The following RHBDL2 variants were observed in gnomAD, a reference collection of about 807,000 sequenced individuals.
The protein encoded by RHBDL2 is rhomboid-related protein 2.
RHBDL2 carries 26 observed loss-of-function variants against 31.7 expected under a neutral mutation model. The observed-to-expected ratio is 0.82, with a 90% confidence interval of 0.60 to 1.14. The LOEUF (loss-of-function observed/expected upper bound fraction) is 1.14. RHBDL2 is among the 50% of genes most tolerant of loss of function. RHBDL2 has a pLI of 0.00. For missense variants in RHBDL2, 336 were observed against 364.4 expected (o/e 0.92, Z 0.63); for synonymous variants, 123 against 127.2 (o/e 0.97, Z 0.22).
At chr1:38,938,113 G>T (rs1453358280) in intron 1 of RHBDL2, among the ~76,000 whole-genome samples, 1 of 152,008 alleles carries the variant, frequency 6.6e-6, no homozygotes, top group Non-Finnish European at 1.5e-5. Context: ...TGCCTCCTGG[G>T]TTCAAGCGAT....
chr1:38,894,994 C>A (rs1642899542), intron 5 of RHBDL2, among the ~76,000 whole-genome samples: 1 of 152,126 alleles, frequency 6.6e-6, no homozygotes, highest in Non-Finnish European at 1.5e-5. Flanking sequence ...CGTGAGCCAC[C>A]GCACCCGGCC....
chr1:38,909,520 GA>G (rs1643113290), intron 4 of RHBDL2, among the ~76,000 whole-genome samples: 1 of 152,024 alleles, frequency 6.6e-6, no homozygotes. Context: ...AAGGTGTGTG[GA>G]TCACAAGGTC....
intron 4 of RHBDL2, among the ~76,000 whole-genome samples, chr1:38,902,560 C>A (rs1273395152): frequency 6.6e-6 from 1 of 151,834 alleles, no homozygotes; most frequent in Non-Finnish European, 1.5e-5. Flanking sequence ...GCTTGGATTA[C>A]AGGTGCACAC....
rs374682183 is a variant in RHBDL2, at chr1:38,894,832, G to A, written c.609+1137C>T. Among the ~76,000 whole-genome samples, 41 of 146,444 alleles carry A rather than the reference G, an allele frequency of 2.8e-4. No individual in the cohort carries two copies. The East Asian group carries it at 7.3e-3, about 26-fold the overall frequency. ...AGCCATTCTTCTGCCTCAGTCTCTC[G>A]AGTAGCTGGGACTACAGGCACACAC... On this transcript the variant is annotated intron_variant, in intron 5 of 7. Transcript: ENST00000372990.
At chr1:38,909,701 C>G (rs571105972) in intron 4 of RHBDL2, among the ~76,000 whole-genome samples, 7 of 152,154 alleles carry the variant, frequency 4.6e-5, no homozygotes. Context: ...AAGATCGCAC[C>G]ATTGCACTCC....
chr1:38,901,569 C>T (rs1181873160), intron 4 of RHBDL2, among the ~76,000 whole-genome samples: 1 of 151,598 alleles, frequency 6.6e-6, no homozygotes, highest in Non-Finnish European at 1.5e-5. Context: ...GGGCCAGTGG[C>T]TCACGCTTAT....
chr1:38,904,447 G>A (rs1233933165), intron 4 of RHBDL2, among the ~76,000 whole-genome samples: 1 of 151,774 alleles, frequency 6.6e-6, no homozygotes, highest in Admixed American at 6.6e-5. Context: ...ACTCCAGTCT[G>A]GGTGACAGAA....
intron 3 of RHBDL2, among the ~76,000 whole-genome samples, chr1:38,912,910 A>ATATATATATGTGTGTGTGTGTG (rs1399583863): frequency 8.7e-4 from 36 of 41,360 alleles, no homozygotes; most frequent in African/African-American, 3.0e-3. Flanking sequence ...ATATATATAT[A>ATATATATATGTGTGTGTGTGTG]TGTGTGTGTG....
chr1:38,906,397 G>A (rs750441493), intron 4 of RHBDL2, among the ~76,000 whole-genome samples: 10 of 151,704 alleles, frequency 6.6e-5, no homozygotes, highest in African/African-American at 1.5e-4. Context: ...TGCACAGGCC[G>A]GGCGCAGTGG....
At position 38,910,824 on chromosome 1, in the gene RHBDL2, T is replaced by C. The variant is rs560398478; in HGVS notation, c.508+498A>G. On this transcript the variant is annotated intron_variant, in intron 4 of 7. Coordinates refer to ENST00000372990, the MANE Select transcript of RHBDL2 (RefSeq NM_017821.5). ...TCTCGCTCTGTTGCCCAGGCTAGAG[T>C]GTGGAGTGCAGTGGCACAATCTTGG... 2.0e-5 allele frequency among the ~76,000 whole-genome samples: 3 copies of C among 148,116 alleles called. No individual in the cohort carries two copies. In the East Asian group the frequency reaches 6.0e-4, roughly 30 times the overall value.
At chr1:38,913,449 T>C (rs1336124925) in intron 3 of RHBDL2, 1 of 152,172 alleles carries the variant, frequency 6.6e-6, no homozygotes, top group Non-Finnish European at 1.5e-5. Context: ...CTCTGAGCCA[T>C]GTGTCCTGAT....
intron 1 of RHBDL2, among the ~76,000 whole-genome samples, chr1:38,925,043 A>T (rs1643359577): frequency 6.6e-6 from 1 of 151,920 alleles, no homozygotes; most frequent in Non-Finnish European, 1.5e-5. Flanking sequence ...GGCCTCATAA[A>T]GTGCTGGGAT....
At chr1:38,904,284 C>T (rs890227661) in intron 4 of RHBDL2, among the ~76,000 whole-genome samples, 3 of 151,730 alleles carry the variant, frequency 2.0e-5, no homozygotes, top group Admixed American at 6.6e-5. Flanking sequence ...GTCTGGCCAA[C>T]GTAGTGAAAC....
chr1:38,937,902 A>C (rs1643526728), intron 1 of RHBDL2, among the ~76,000 whole-genome samples: 1 of 152,140 alleles, frequency 6.6e-6, no homozygotes, highest in South Asian at 2.1e-4. Context: ...AGGAAGACTA[A>C]TTTTCATAGA....
chr1:38,919,853 C>T (rs1012576181), intron 1 of RHBDL2, among the ~76,000 whole-genome samples: 5 of 152,100 alleles, frequency 3.3e-5, no homozygotes, highest in African/African-American at 9.7e-5. Flanking sequence ...GGATTACAGG[C>T]GTGAGCCACC....
chr1:38,902,934 T>C (rs1184267017), intron 4 of RHBDL2, among the ~76,000 whole-genome samples: 12 of 152,204 alleles, frequency 7.9e-5, no homozygotes. Context: ...TAACACATTT[T>C]AAATAACCCA....
intron 1 of RHBDL2, chr1:38,925,903 T>C: frequency 8.2e-7 from 1 of 1,226,622 alleles, no homozygotes; most frequent in Non-Finnish European, 1.1e-6. Context: ...AAGCCAATCA[T>C]TCAACTCATA....
chr1:38,927,567 A>G (rs1289823940), intron 1 of RHBDL2, among the ~76,000 whole-genome samples: 2 of 149,128 alleles, frequency 1.3e-5, no homozygotes, highest in Non-Finnish European at 1.5e-5. Flanking sequence ...AGGGCTTGCC[A>G]TCTGCCTTTG....
At chr1:38,908,012 A>T (rs1480124028) in intron 4 of RHBDL2, among the ~76,000 whole-genome samples, 3 of 152,146 alleles carry the variant, frequency 2.0e-5, no homozygotes, top group Non-Finnish European at 2.9e-5. Context: ...AGCATCTAGA[A>T]TATATAAAGA....
Sources: allele counts gnomAD v4.1 joint callset (sites outside exome capture counted in the v4.1 genomes callset), GRCh38; gene constraint gnomAD v4.1.1; transcripts MANE v1.5; gene names NCBI Gene and HGNC (gene_info 2026-07-23, HGNC 2026-07-21).